Variants in ERBIN observed in about 807,000 individuals in gnomAD.
ERBIN encodes the protein erbb2 interacting protein.
A neutral mutation model predicts 158.4 loss-of-function variants in ERBIN; 60 were observed. The ratio of observed to expected loss-of-function variants is 0.38; its 90% CI spans 0.31 to 0.47. The LOEUF is 0.47. Among genes scored for constraint, ERBIN ranks in the 20% least tolerant of loss-of-function variants. The pLI, the probability that ERBIN is intolerant of heterozygous loss-of-function variation, is 0.99. For synonymous variants in ERBIN, 594 were observed against 557.2 expected, an observed-to-expected ratio of 1.07 and a Z score of -0.93; for missense variants, 1,610 against 1,648.0, an observed-to-expected ratio of 0.98 and a Z score of 0.40.
Position 66,082,394 on chromosome 5 carries a change from C to T in ERBIN, c.*3864C>T, listed in dbSNP as rs555759690. ...ACAACCAGGGACAATGGTGATCTGT[C>T]ACGCATCTGCCCATCTAGCTTCTCA... On this transcript the variant is annotated 3_prime_UTR_variant, in exon 26 of 26. Coordinates refer to ENST00000284037, the MANE Select transcript of ERBIN (RefSeq NM_001253697.2). 3.9e-4 allele frequency: 60 copies of T among 152,300 alleles called. No individual in the cohort carries two copies. Among genetic ancestry groups the T allele is most frequent in the African/African-American group, 1.4e-3 (59 of 41,564 alleles). 9.4% of individuals were successfully genotyped at this position (152,300 alleles called of 1,614,324 possible). A position where few individuals can be genotyped will look rare whatever the true frequency, so the allele number is the denominator to read the frequency against.
chr5:66,055,727 A>G (rs1424485282), intron 21 of ERBIN, among the ~76,000 whole-genome samples: 1 of 152,172 alleles, frequency 6.6e-6, no homozygotes, highest in East Asian at 1.9e-4. Context: ...CCCAAGCATT[A>G]TCTTTCTTTC....
rs775501114 is a variant in ERBIN at position 66,048,656 on chromosome 5, C to T, written c.1789-11C>T. On this transcript the variant is annotated splice_polypyrimidine_tract_variant and intron_variant, in intron 18 of 25. Coordinates refer to ENST00000284037, the MANE Select transcript of ERBIN (RefSeq NM_001253697.2). ...ATTTAATTTTTATCCCCCTCACCCC[C>T]TTTTCACTAGGAATCTGAAGAACTT... 1 of 1,570,056 alleles carries T rather than the reference C, an allele frequency of 6.4e-7. No individual in the cohort carries two copies. Among genetic ancestry groups the T allele is most frequent in the Non-Finnish European group, 8.7e-7 (1 of 1,146,550 alleles).
chr5:66,045,813 T>C (rs911723052), intron 17 of ERBIN, among the ~76,000 whole-genome samples: 2 of 152,174 alleles, frequency 1.3e-5, no homozygotes, highest in African/African-American at 4.8e-5. Context: ...TGGAAATTTT[T>C]CCCCCTGTTA....
chr5:66,063,973 A>G (rs1439652802), intron 21 of ERBIN, among the ~76,000 whole-genome samples: 3 of 152,332 alleles, frequency 2.0e-5, no homozygotes, highest in South Asian at 2.1e-4. Context: ...TTCAGAAAAT[A>G]TAGTTCAGAA....
rs1332358495 is a variant in ERBIN at position 66,025,866 on chromosome 5, A to G, written c.909A>G (p.Glu303=). ...DSIGGLISVE[E]LDCSFNEVEA... ...ATTAAAGGTTAATATCAGTAGAAGA[A>G]CTGGATTGTAGTTTCAATGAAGTTG... Residue 303 remains glutamate, a synonymous_variant, in exon 12 of 26, where the codon GAA becomes GAG. Transcript: ENST00000284037. 17 of 1,538,900 alleles carry G rather than the reference A, an allele frequency of 1.1e-5. No homozygotes were observed. Among genetic ancestry groups the G allele is most frequent in the Non-Finnish European group, 1.4e-5 (16 of 1,135,710 alleles).
At chr5:65,941,313 T>TAAA (rs1217469941) in intron 1 of ERBIN, among the ~76,000 whole-genome samples, 4 of 60,040 alleles carry the variant, frequency 6.7e-5, no homozygotes, top group Admixed American at 1.4e-4. Flanking sequence ...GAATGATCAA[T>TAAA]AAAAAAAAAA....
At chr5:65,942,293 G>T (rs1049548974) in intron 1 of ERBIN, among the ~76,000 whole-genome samples, 3 of 151,776 alleles carry the variant, frequency 2.0e-5, no homozygotes, top group Non-Finnish European at 4.4e-5. Flanking sequence ...GACTCTGTTG[G>T]TTTTTTTTGC....
intron 21 of ERBIN, among the ~76,000 whole-genome samples, chr5:66,059,161 A>T (rs1221377820): frequency 6.6e-6 from 1 of 152,102 alleles, no homozygotes; most frequent in African/African-American, 2.4e-5. Flanking sequence ...GATTCTTCCT[A>T]CCCATGAGTA....
chr5:65,961,952 A>G (rs1747975610), intron 1 of ERBIN, among the ~76,000 whole-genome samples: 1 of 152,078 alleles, frequency 6.6e-6, no homozygotes, highest in South Asian at 2.1e-4. Flanking sequence ...GTTGTCTGAC[A>G]TTTTTTACCA....
intron 19 of ERBIN, 43 bp from the exon 20 acceptor site, chr5:66,050,740 T>G: frequency 1.5e-6 from 2 of 1,306,308 alleles, no homozygotes; most frequent in Non-Finnish European, 2.1e-6. Flanking sequence ...TTCACACAAT[T>G]CTTGGGGAAT....
intron 1 of ERBIN, among the ~76,000 whole-genome samples, chr5:65,940,115 C>G (rs947289229): frequency 6.6e-6 from 1 of 151,026 alleles, no homozygotes; most frequent in Non-Finnish European, 1.5e-5. Flanking sequence ...CGCCTCTTCC[C>G]GGCCGCCATC....
chr5:66,044,367 A>G (rs1758203881), intron 17 of ERBIN, 57 bp downstream of exon 17: 4 of 1,489,164 alleles, frequency 2.7e-6, no homozygotes, highest in East Asian at 2.3e-5. Flanking sequence ...TTTTTAAATG[A>G]CAGTTGATAT....
intron 1 of ERBIN, among the ~76,000 whole-genome samples, chr5:65,986,109 C>G (rs975045745): frequency 6.6e-6 from 1 of 152,122 alleles, no homozygotes; most frequent in Non-Finnish European, 1.5e-5. Flanking sequence ...CCTTGATGAT[C>G]TCATCTTATT....
chr5:65,971,048 C>T (rs1335824120), intron 1 of ERBIN, among the ~76,000 whole-genome samples: 1 of 152,158 alleles, frequency 6.6e-6, no homozygotes, highest in Non-Finnish European at 1.5e-5. Flanking sequence ...TATGGTCATT[C>T]AACGTTAATT....
At chr5:66,068,518 G>C (rs1350512643) in intron 21 of ERBIN, among the ~76,000 whole-genome samples, 1 of 152,066 alleles carries the variant, frequency 6.6e-6, no homozygotes, top group African/African-American at 2.4e-5. Context: ...TTTCTGTTCT[G>C]TATATGACTT....
intron 1 of ERBIN, among the ~76,000 whole-genome samples, chr5:65,964,560 G>A (rs1421227104): frequency 6.6e-6 from 1 of 152,110 alleles, no homozygotes; most frequent in Non-Finnish European, 1.5e-5. Flanking sequence ...TTTGTCAGAG[G>A]AAGGAAAACT....
intron 7 of ERBIN, among the ~76,000 whole-genome samples, chr5:66,019,018 C>T (rs970696149): frequency 6.6e-6 from 1 of 152,048 alleles, no homozygotes; most frequent in Non-Finnish European, 1.5e-5. Context: ...TATGTAAATC[C>T]TCCTGATTTT....
intron 1 of ERBIN, among the ~76,000 whole-genome samples, chr5:65,943,531 A>G (rs553575355): frequency 3.9e-5 from 6 of 152,240 alleles, no homozygotes; most frequent in Non-Finnish European, 8.8e-5. Flanking sequence ...CTCTCCCATC[A>G]TTACTTTTTT....
intron 1 of ERBIN, among the ~76,000 whole-genome samples, chr5:65,977,105 G>T (rs1305364384): frequency 6.6e-6 from 1 of 151,186 alleles, no homozygotes. Context: ...GGGCAGAGGC[G>T]CCCCTCACCT....
Sources: allele counts gnomAD v4.1 joint callset (sites outside exome capture counted in the v4.1 genomes callset), GRCh38; gene constraint gnomAD v4.1.1; transcripts MANE v1.5; gene names NCBI Gene and HGNC (gene_info 2026-07-23, HGNC 2026-07-21).